Variants in TAFA4 observed in about 807,000 individuals in gnomAD.
TAFA4 encodes the protein TAFA chemokine like family member 4.
TAFA4 carries 20 observed loss-of-function variants against 21.1 expected under a neutral mutation model. The observed-to-expected ratio is 0.95, with a 90% CI of 0.67 to 1.38. TAFA4 has a LOEUF of 1.38. Among genes scored for constraint, TAFA4 ranks in the 40% most tolerant of loss-of-function variants. The pLI, the probability that TAFA4 is intolerant of heterozygous loss-of-function variation, is 0.00. For missense variants in TAFA4, 211 were observed against 180.9 expected (o/e 1.17, Z -0.95); for synonymous variants, 71 against 67.4 (o/e 1.05, Z -0.26).
intron 1 of TAFA4, among the ~76,000 whole-genome samples, chr3:68,890,155 G>A (rs932917140): frequency 2.6e-5 from 4 of 152,062 alleles, no homozygotes; most frequent in African/African-American, 7.2e-5. Flanking sequence ...AAACATGAGC[G>A]GGAAGAAGTC....
chr3:68,862,395 C>T (rs1005974704), intron 3 of TAFA4, among the ~76,000 whole-genome samples: 3 of 152,210 alleles, frequency 2.0e-5, no homozygotes, highest in South Asian at 2.1e-4. Flanking sequence ...AGGGTGATTG[C>T]GGGTAGACAG....
At chr3:68,776,635 G>T (rs993552776) in intron 3 of TAFA4, among the ~76,000 whole-genome samples, 1 of 152,142 alleles carries the variant, frequency 6.6e-6, no homozygotes, top group Non-Finnish European at 1.5e-5. Flanking sequence ...ATCAATCACA[G>T]CAGAACTGTC....
chr3:68,928,539 C>T (rs946897576), intron 1 of TAFA4, among the ~76,000 whole-genome samples: 7 of 152,172 alleles, frequency 4.6e-5, no homozygotes, highest in South Asian at 2.1e-4. Context: ...GTTCAAATTG[C>T]GTCACCCTGC....
At chr3:68,778,813 G>A (rs2106793184) in intron 3 of TAFA4, among the ~76,000 whole-genome samples, 1 of 152,252 alleles carries the variant, frequency 6.6e-6, no homozygotes, top group Non-Finnish European at 1.5e-5. Flanking sequence ...CATGAAAACA[G>A]GCTAATACAA....
intron 3 of TAFA4, among the ~76,000 whole-genome samples, chr3:68,781,951 T>C (rs1703161699): frequency 2.0e-5 from 3 of 152,168 alleles, no homozygotes; most frequent in South Asian, 2.1e-4. Context: ...AGCAATGAAT[T>C]CTTAGATGTT....
chr3:68,879,194 C>G (rs1219966622), intron 3 of TAFA4, among the ~76,000 whole-genome samples: 1 of 152,130 alleles, frequency 6.6e-6, no homozygotes, highest in Admixed American at 6.5e-5. Flanking sequence ...TTGCAGATAA[C>G]ACTCTGCAAC....
At position 68,812,674 on chromosome 3, in the gene TAFA4, G is replaced by A. The variant is rs529184311; in HGVS notation, c.131-59656C>T. Among the ~76,000 whole-genome samples, 174 of 152,250 alleles carry A rather than the reference G, an allele frequency of 1.1e-3. 2 individuals carry two copies. Among genetic ancestry groups the A allele is most frequent in the East Asian group, 9.6e-4 (5 of 5,184 alleles). Reference sequence around the variant, plus strand: ...ATACAGGAGCACCCAGATTCATAAAGCAAGTCCTTAGAGACCTAGAAAGAG... The same window carrying A: ...ATACAGGAGCACCCAGATTCATAAAACAAGTCCTTAGAGACCTAGAAAGAG... On this transcript the variant is annotated intron_variant, in intron 3 of 5. Coordinates refer to ENST00000295569, the MANE Select transcript of TAFA4 (RefSeq NM_182522.5).
At chr3:68,890,232 A>G (rs928999599) in intron 1 of TAFA4, among the ~76,000 whole-genome samples, 1 of 152,214 alleles carries the variant, frequency 6.6e-6, no homozygotes, top group African/African-American at 2.4e-5. Context: ...TAATGAATGC[A>G]AAAACTAATA....
At chr3:68,892,631 G>C (rs914772458) in intron 1 of TAFA4, among the ~76,000 whole-genome samples, 2 of 152,164 alleles carry the variant, frequency 1.3e-5, no homozygotes, top group African/African-American at 4.8e-5. Context: ...CTTCTAGTCA[G>C]AGATGATTTA....
intron 3 of TAFA4, among the ~76,000 whole-genome samples, chr3:68,873,756 A>C (rs953758454): frequency 6.6e-6 from 1 of 152,160 alleles, no homozygotes; most frequent in Non-Finnish European, 1.5e-5. Flanking sequence ...TTTCTAAACA[A>C]CAAATAAGAC....
chr3:68,887,653 T>C (rs771795998), intron 1 of TAFA4, among the ~76,000 whole-genome samples: 7 of 152,126 alleles, frequency 4.6e-5, no homozygotes, highest in Non-Finnish European at 1.0e-4. Flanking sequence ...CATCAAGGCA[T>C]ACCACTTGTG....
At chr3:68,831,575 T>C (rs1466499065) in intron 3 of TAFA4, among the ~76,000 whole-genome samples, 2 of 152,170 alleles carry the variant, frequency 1.3e-5, no homozygotes, top group Non-Finnish European at 2.9e-5. Flanking sequence ...CGGGCTTCCC[T>C]TTGTGGGTAA....
intron 3 of TAFA4, among the ~76,000 whole-genome samples, chr3:68,832,651 T>G (rs1038686138): frequency 4.6e-5 from 7 of 152,210 alleles, no homozygotes; most frequent in African/African-American, 1.4e-4. Flanking sequence ...AGGGACCCAC[T>G]TGAGGAGGCA....
intron 3 of TAFA4, among the ~76,000 whole-genome samples, chr3:68,827,795 G>A (rs1236856668): frequency 6.6e-6 from 1 of 152,110 alleles, no homozygotes; most frequent in Admixed American, 6.5e-5. Flanking sequence ...CTTGTCAGAT[G>A]AGCAGATTGC....
At chr3:68,818,436 G>A (rs1704036685) in intron 3 of TAFA4, among the ~76,000 whole-genome samples, 1 of 152,168 alleles carries the variant, frequency 6.6e-6, no homozygotes, top group Non-Finnish European at 1.5e-5. Flanking sequence ...TTTCCTTCAA[G>A]AATTTTTCCC....
chr3:68,870,839 G>C (rs935451493), intron 3 of TAFA4, among the ~76,000 whole-genome samples: 1 of 151,966 alleles, frequency 6.6e-6, no homozygotes, highest in Non-Finnish European at 1.5e-5. Flanking sequence ...GCAGTGTTTG[G>C]TTTTCTGTTC....
At chr3:68,916,989 A>G (rs890988684) in intron 1 of TAFA4, among the ~76,000 whole-genome samples, 2 of 152,218 alleles carry the variant, frequency 1.3e-5, no homozygotes, top group South Asian at 4.1e-4. Context: ...GTCTTACTAG[A>G]AATCAGGGTT....
chr3:68,910,618 A>G (rs2089952530), intron 1 of TAFA4, among the ~76,000 whole-genome samples: 1 of 152,228 alleles, frequency 6.6e-6, no homozygotes, highest in African/African-American at 2.4e-5. Flanking sequence ...TTCATTCAAC[A>G]TTCATTTATT....
intron 3 of TAFA4, among the ~76,000 whole-genome samples, chr3:68,864,738 A>C (rs1391125522): frequency 6.6e-6 from 1 of 152,192 alleles, no homozygotes; most frequent in East Asian, 1.9e-4. Context: ...CACATAATGG[A>C]ATACTACTCA....
Sources: allele counts gnomAD v4.1 joint callset (sites outside exome capture counted in the v4.1 genomes callset), GRCh38; gene constraint gnomAD v4.1.1; transcripts MANE v1.5; gene names NCBI Gene and HGNC (gene_info 2026-07-23, HGNC 2026-07-21).